The following OSBPL6 variants were observed in gnomAD, a reference collection of about 807,000 sequenced individuals.
OSBPL6 encodes oxysterol binding protein like 6.
In OSBPL6, 49 loss-of-function variants were observed where a neutral mutation model predicts 125.8. The observed-to-expected ratio is 0.39, with a 90% CI of 0.31 to 0.49. OSBPL6 has a LOEUF of 0.49. Among genes scored for constraint, OSBPL6 ranks in the 20% least tolerant of loss-of-function variants. The pLI is 0.88. For missense variants in OSBPL6, 986 were observed against 1,135.4 expected (o/e 0.87, Z 1.89); for synonymous variants, 394 against 391.8 (o/e 1.01, Z -0.07).
intron 1 of OSBPL6, among the ~76,000 whole-genome samples, chr2:178,235,485 C>A (rs1215700743): frequency 7.1e-6 from 1 of 140,992 alleles, no homozygotes; most frequent in Non-Finnish European, 1.5e-5. Flanking sequence ...TGGCTCACTG[C>A]AACCTCTGCC....
intron 3 of OSBPL6, among the ~76,000 whole-genome samples, chr2:178,317,448 A>G (rs1327794021): frequency 1.2e-4 from 1 of 8,442 alleles, no homozygotes; most frequent in East Asian, 0.011. Context: ...ATATATATAT[A>G]TATATATATA....
At chr2:178,238,822 T>G (rs2091166703) in intron 1 of OSBPL6, among the ~76,000 whole-genome samples, 1 of 152,142 alleles carries the variant, frequency 6.6e-6, no homozygotes, top group African/African-American at 2.4e-5. Flanking sequence ...AATAAGGGGT[T>G]CTACTGTACA....
At chr2:178,362,013 A>G (rs1410255871) in intron 13 of OSBPL6, among the ~76,000 whole-genome samples, 198 bp downstream of exon 13, 1 of 152,238 alleles carries the variant, frequency 6.6e-6, no homozygotes, top group Non-Finnish European at 1.5e-5. Context: ...AAGAGTGAAA[A>G]TAAACCAAAC....
At position 178,383,087 on chromosome 2, in the gene OSBPL6, C is replaced by T. The variant is rs1427265318; in HGVS notation, c.1685C>T (p.Pro562Leu). ...GGGCGTCGAGCATGCCTGCCAGCTC[C>T]TTGTCCTGACACCAGTAACATTAAC... The part of the protein sequence containing the change: ...RNGRRACLPA[P>L]CPDTSNINLW... Residue 562 changes from proline to leucine, a missense_variant, in exon 17 of 25, where the codon CCT becomes CTT. Coordinates refer to ENST00000190611, the MANE Select transcript of OSBPL6 (RefSeq NM_032523.4). 3 of 1,614,200 alleles carry T rather than the reference C, an allele frequency of 1.9e-6. No homozygotes were observed. The highest frequency in any genetic ancestry group is 1.3e-5 in the African/African-American group (1 of 75,056).
At position 178,306,155 on chromosome 2, in the gene OSBPL6, A is replaced by C; in HGVS notation, c.-30A>C. On this transcript the variant is annotated 5_prime_UTR_variant, in exon 3 of 25. Coordinates refer to ENST00000190611, the MANE Select transcript of OSBPL6 (RefSeq NM_032523.4). ...TTGAGAGAAGATTGGGATGGTCTTAAGTGCATAAAACGAGACTCTAACTGC... is the reference window on the plus strand; with the variant it reads ...TTGAGAGAAGATTGGGATGGTCTTACGTGCATAAAACGAGACTCTAACTGC... 1 of 1,357,622 alleles carries C rather than the reference A, an allele frequency of 7.4e-7. No individual in the cohort carries two copies. Among genetic ancestry groups the C allele is most frequent in the Non-Finnish European group, 1.1e-6 (1 of 946,504 alleles). The allele number at this position is 1,357,622 out of a possible 1,614,324, so 84.1% of individuals were successfully genotyped here. A position where few individuals can be genotyped will look rare whatever the true frequency, so the allele number is the denominator to read the frequency against.
At chr2:178,198,575 G>A (rs1308721903) in intron 1 of OSBPL6, among the ~76,000 whole-genome samples, 1 of 147,074 alleles carries the variant, frequency 6.8e-6, no homozygotes, top group Non-Finnish European at 1.5e-5. Context: ...AGCCGAGATT[G>A]CACCACTGCA....
At chr2:178,223,593 A>G (rs1165549018) in intron 1 of OSBPL6, among the ~76,000 whole-genome samples, 1 of 152,198 alleles carries the variant, frequency 6.6e-6, no homozygotes, top group Non-Finnish European at 1.5e-5. Flanking sequence ...CCTTCAGTTT[A>G]TTCTTTGCCT....
rs749115780 is a variant in OSBPL6, at chr2:178,395,498, C to A, written c.2744C>A (p.Thr915Asn). Residue 915 changes from threonine to asparagine, a missense_variant, in exon 25 of 25, where the codon ACC becomes AAC. Thr to Asn is a moderately conservative substitution (Grantham distance 65). This residue lies in a region of OSBPL6 where 843 missense variants were observed against 997.3 expected (regional missense o/e 0.85). Coordinates refer to ENST00000190611, the MANE Select transcript of OSBPL6 (RefSeq NM_032523.4). ...NQREAWVSND[T>N]YWELRKDPGF... ...AGAGAAGCCTGGGTTTCTAACGACA[C>A]CTACTGGGAGCTTCGAAAGGACCCT... 1 of 1,613,786 alleles carries A rather than the reference C, an allele frequency of 6.2e-7. No individual in the cohort carries two copies. Among genetic ancestry groups the A allele is most frequent in the East Asian group, 2.2e-5 (1 of 44,856 alleles).
At position 178,240,107 on chromosome 2, in the gene OSBPL6, A is replaced by G. The variant is rs867240774; in HGVS notation, c.-350-44820A>G. Reference sequence around the variant, plus strand: ...TTTGAAGTCATAATATTCAAGTATAATGGTGATTGCCAGAAATTGAGGAGA... The same window carrying G: ...TTTGAAGTCATAATATTCAAGTATAGTGGTGATTGCCAGAAATTGAGGAGA... On this transcript the variant is annotated intron_variant, in intron 1 of 24. Transcript: ENST00000190611. Among the ~76,000 whole-genome samples, 13 of 152,268 alleles carry G rather than the reference A, an allele frequency of 8.5e-5. No homozygotes were observed. In the South Asian group the frequency reaches 1.2e-3, roughly 15 times the overall value.
At chr2:178,331,328 G>A (rs919433284) in intron 5 of OSBPL6, among the ~76,000 whole-genome samples, 29 of 152,070 alleles carry the variant, frequency 1.9e-4, no homozygotes, top group African/African-American at 6.8e-4. Flanking sequence ...CATCCCCATT[G>A]GATTATGTAT....
At chr2:178,214,248 C>G (rs1002990506) in intron 1 of OSBPL6, among the ~76,000 whole-genome samples, 1 of 152,154 alleles carries the variant, frequency 6.6e-6, no homozygotes, top group African/African-American at 2.4e-5. Flanking sequence ...GTTCTAGGAG[C>G]CTGACTACTT....
chr2:178,312,991 G>A lies in OSBPL6; in HGVS notation c.102+6705G>A, dbSNP rs912030808. Among the ~76,000 whole-genome samples, 8 of 151,818 alleles carry A rather than the reference G, an allele frequency of 5.3e-5. No homozygotes were observed. The East Asian group carries it at 9.7e-4, about 18-fold the overall frequency. ...GCTCACTGCAACCTCCGCCACCCAG[G>A]TTCAAGCAATTATCCTGCCTCAGCC... On this transcript the variant is annotated intron_variant, in intron 3 of 24. Transcript: ENST00000190611.
intron 20 of OSBPL6, among the ~76,000 whole-genome samples, 161 bp from the exon 21 acceptor site, chr2:178,388,848 A>G (rs559550922): frequency 2.6e-5 from 4 of 152,346 alleles, no homozygotes; most frequent in African/African-American, 9.6e-5. Context: ...TGAATTAACC[A>G]CATCGTAAAT....
intron 13 of OSBPL6, 59 bp downstream of exon 13, chr2:178,361,874 A>G: frequency 6.3e-7 from 1 of 1,592,244 alleles, no homozygotes; most frequent in Non-Finnish European, 8.6e-7. Context: ...GTAAGATGAA[A>G]GATCAAAAGA....
At chr2:178,328,825 G>A (rs1172168850) in intron 5 of OSBPL6, among the ~76,000 whole-genome samples, 11 of 151,952 alleles carry the variant, frequency 7.2e-5, no homozygotes, top group Non-Finnish European at 1.2e-4. Context: ...TAACCACATG[G>A]GTTGTAGTCT....
intron 2 of OSBPL6, among the ~76,000 whole-genome samples, chr2:178,288,974 C>T (rs1045173917): frequency 6.9e-6 from 1 of 145,958 alleles, no homozygotes; most frequent in African/African-American, 2.5e-5. Context: ...TTTATTAAGA[C>T]TTTTTTCTTC....
intron 10 of OSBPL6, among the ~76,000 whole-genome samples, 199 bp from the exon 11 acceptor site, chr2:178,339,473 G>T (rs1690000440): frequency 6.6e-6 from 1 of 152,048 alleles, no homozygotes; most frequent in Admixed American, 6.6e-5. Flanking sequence ...TTGTTTATCA[G>T]TAAAATATAT....
At chr2:178,361,272 A>G (rs1367375977) in intron 12 of OSBPL6, among the ~76,000 whole-genome samples, 2 of 152,214 alleles carry the variant, frequency 1.3e-5, no homozygotes, top group East Asian at 1.9e-4. Context: ...ATATTTTTGG[A>G]TAGTTCTAAA....
In OSBPL6 at chr2:178,400,305, CAG is replaced by C. The variant is rs2154122880; in HGVS notation, c.*4749_*4750del. 1 of 137,550 alleles carries C rather than the reference CAG, an allele frequency of 7.3e-6. No individual in the cohort carries two copies. Among genetic ancestry groups the C allele is most frequent in the South Asian group, 2.3e-4 (1 of 4,390 alleles). 8.5% of individuals were successfully genotyped at this position (137,550 alleles called of 1,614,324 possible). A position where few individuals can be genotyped will look rare whatever the true frequency, so the allele number is the denominator to read the frequency against. ...TGTACTTTTTTTTTTTTTTTTGAGA[CAG>C]AGTCTTGAGTGCTCTGTCACCCAGG... is the stretch of plus-strand genomic sequence containing the variant. On this transcript the variant is annotated 3_prime_UTR_variant, in exon 25 of 25. Transcript: ENST00000190611.
Sources: gnomAD v4.1 joint callset for allele counts (sites outside exome capture counted in the v4.1 genomes callset) on GRCh38, gnomAD v4.1.1 for gene constraint, gnomAD v4.1.1 regional missense constraint, MANE v1.5 for transcripts, NCBI Gene and HGNC (gene_info 2026-07-23, HGNC 2026-07-21) for gene names.